The following DNAH3 variants were observed in gnomAD, a reference collection of about 807,000 sequenced individuals.
DNAH3 encodes dynein axonemal heavy chain 3.
In DNAH3, 332 loss-of-function variants were observed where a neutral mutation model predicts 432.5. That is an observed-to-expected ratio of 0.77 (90% CI 0.70 to 0.84). DNAH3 has a LOEUF of 0.84. Among genes scored for constraint, DNAH3 ranks in the 40% least tolerant of loss-of-function variants. The pLI, the probability that DNAH3 is intolerant of heterozygous loss-of-function variation, is 0.00. For synonymous variants in DNAH3, 1,956 were observed against 1,900.2 expected, an observed-to-expected ratio of 1.03 and a Z score of -0.76; for missense variants, 4,861 against 5,114.0, an observed-to-expected ratio of 0.95 and a Z score of 1.51.
In DNAH3 at chr16:21,039,100, AAAACTGGAC is replaced by A. The variant is rs569253520; in HGVS notation, c.4730+743_4730+751del. ...ATCCGTGTATAACTGTGTGTCTTAGAAAACTGGACAATACTTGAATGAGATATAACCTAG... is the reference window on the plus strand; with the variant it reads ...ATCCGTGTATAACTGTGTGTCTTAGAAATACTTGAATGAGATATAACCTAG... On this transcript the variant is annotated intron_variant, in intron 33 of 61. Transcript: ENST00000261383. Among the ~76,000 whole-genome samples the A allele has an allele frequency of 2.0e-4, 31 of 152,350 alleles. 2 individuals are homozygous for A. In the East Asian group the frequency reaches 6.0e-3, roughly 29 times the overall value.
intron 3 of DNAH3, among the ~76,000 whole-genome samples, chr16:21,143,109 G>A (rs904756494): frequency 6.6e-6 from 1 of 152,146 alleles, no homozygotes; most frequent in African/African-American, 2.4e-5. Flanking sequence ...AAAGACTCTG[G>A]CTTGCCTGAG....
At chr16:21,130,106 A>C (rs907967957) in intron 7 of DNAH3, 1 of 149,490 alleles carries the variant, frequency 6.7e-6, no homozygotes, top group African/African-American at 2.5e-5. Context: ...AAAAAAAAAA[A>C]AAACAAATGA....
intron 52 of DNAH3, among the ~76,000 whole-genome samples, chr16:20,968,689 T>C (rs1337029052): frequency 1.3e-5 from 2 of 151,864 alleles, no homozygotes; most frequent in Non-Finnish European, 2.9e-5. Context: ...TCTCTCTCTT[T>C]CTTCCTCTCC....
At chr16:21,145,577 C>A (rs886260873) in intron 2 of DNAH3, among the ~76,000 whole-genome samples, 171 bp from the exon 4 acceptor site, 9 of 152,196 alleles carry the variant, frequency 5.9e-5, no homozygotes, top group Non-Finnish European at 1.3e-4. Flanking sequence ...ACTTCTCTGA[C>A]CATTGTAAGC....
rs1045558716 is a variant in DNAH3 at position 20,981,449 on chromosome 16, T to C, written c.7859+1272A>G. 5.3e-5 allele frequency among the ~76,000 whole-genome samples: 8 copies of C among 152,164 alleles called. 1 individual carries two copies. Among genetic ancestry groups the C allele is most frequent in the Non-Finnish European group, 1.2e-4 (8 of 68,040 alleles). On this transcript the variant is annotated intron_variant, in intron 49 of 61. Coordinates refer to ENST00000261383, the Ensembl canonical transcript of DNAH3. ...ATCCATTAATTCAACAAACAGTGAT[T>C]GAGCCTGGGTGCGGTGGCTCACGCC...
intron 58 of DNAH3, among the ~76,000 whole-genome samples, chr16:20,943,518 C>G (rs1260484199): frequency 6.6e-6 from 1 of 152,164 alleles, no homozygotes; most frequent in African/African-American, 2.4e-5. Flanking sequence ...TTCACTGCAC[C>G]TGGCCTCTTT....
chr16:20,946,819 C>CTTTTTTTTTTT (rs71149199), intron 57 of DNAH3, among the ~76,000 whole-genome samples: 2 of 70,866 alleles, frequency 2.8e-5, no homozygotes, highest in Admixed American at 2.0e-4. Context: ...ATTGTGAGTC[C>CTTTTTTTTTTT]TTTTTTTTTT....
chr16:20,979,316 T>C lies in DNAH3; in HGVS notation c.8076+14A>G. ...CGGGCCTCTTTGTCTCTGTTCTGTT[T>C]TGGCAGTGCTCACCTGAGAAGCTGC... On this transcript the variant is annotated intron_variant, in intron 50 of 61. Transcript: ENST00000261383. 1 of 1,613,290 alleles carries C rather than the reference T, an allele frequency of 6.2e-7. No individual in the cohort carries two copies. The highest frequency in any genetic ancestry group is 8.5e-7 in the Non-Finnish European group (1 of 1,179,798).
intron 49 of DNAH3, 106 bp downstream of exon 49, chr16:20,982,615 T>C (rs1429930158): frequency 1.2e-6 from 1 of 828,496 alleles, no homozygotes; most frequent in Non-Finnish European, 1.8e-6. Flanking sequence ...ATAAGACATT[T>C]GCTATATACA....
intron 57 of DNAH3, among the ~76,000 whole-genome samples, chr16:20,948,165 C>T (rs1240702049): frequency 6.6e-6 from 1 of 152,154 alleles, no homozygotes; most frequent in Non-Finnish European, 1.5e-5. Context: ...TTGCCACCTT[C>T]TGAATCTTCG....
chr16:21,069,265 T>C (rs2090691090), intron 23 of DNAH3, 150 bp downstream of exon 23: 3 of 741,380 alleles, frequency 4.0e-6, no homozygotes, highest in Non-Finnish European at 6.6e-6. Context: ...TTTTTAATAA[T>C]AACAACTTCT....
intron 44 of DNAH3, among the ~76,000 whole-genome samples, chr16:20,993,761 G>A (rs936636355): frequency 3.9e-5 from 6 of 152,048 alleles, no homozygotes; most frequent in East Asian, 3.9e-4. Flanking sequence ...ATAGCTCACC[G>A]CAGCCTTGAC....
exon 53 of DNAH3, chr16:20,965,332 A>T: frequency 6.2e-7 from 1 of 1,606,004 alleles, no homozygotes; most frequent in Non-Finnish European, 8.5e-7. Context: ...CAGTGGGGGG[A>T]TGTTGTCTTT....
At chr16:21,013,719 C>CAAAAA (rs557641711) in intron 41 of DNAH3, among the ~76,000 whole-genome samples, 3 of 47,380 alleles carry the variant, frequency 6.3e-5, no homozygotes, top group South Asian at 7.5e-4. Flanking sequence ...AACTCCATCT[C>CAAAAA]AAAAAAAAAA....
chr16:21,145,326 A>T (rs759424477), exon 3 of DNAH3: 3 of 1,614,048 alleles, frequency 1.9e-6, no homozygotes, highest in African/African-American at 2.7e-5. Flanking sequence ...CACGGTGGTG[A>T]TGCTGTTCTT....
intron 56 of DNAH3, 118 bp from the exon 57 acceptor site, chr16:20,948,755 G>A: frequency 1.8e-6 from 2 of 1,130,808 alleles, no homozygotes; most frequent in African/African-American, 1.5e-5. Flanking sequence ...ATAGTGATAG[G>A]GACAGCAAGC....
At position 21,054,547 on chromosome 16, in the gene DNAH3, G is replaced by C. The variant is rs2090068357; in HGVS notation, c.3925-13C>G. 1 of 1,596,568 alleles carries C rather than the reference G, an allele frequency of 6.3e-7. No individual in the cohort carries two copies. Among genetic ancestry groups the C allele is most frequent in the African/African-American group, 1.3e-5 (1 of 74,634 alleles). On this transcript the variant is annotated splice_polypyrimidine_tract_variant and intron_variant, in intron 27 of 61. Coordinates refer to ENST00000261383, the Ensembl canonical transcript of DNAH3. ...TTTTCAGAAAATCCTGGAAGGGGCA[G>C]AGGAGGGGACAACTGGTTACATTTG... is the stretch of plus-strand genomic sequence containing the variant.
At chr16:21,049,598 C>A in exon 31 of DNAH3, 1 of 1,614,182 alleles carries the variant, frequency 6.2e-7, no homozygotes, top group Non-Finnish European at 8.5e-7. Context: ...TCAAAGCACG[C>A]CCATGCTCCA....
At chr16:21,022,896 T>A (rs1378949134) in intron 39 of DNAH3, among the ~76,000 whole-genome samples, 1 of 152,024 alleles carries the variant, frequency 6.6e-6, no homozygotes, top group South Asian at 2.1e-4. Context: ...TACAGGCACA[T>A]GCCATCATGC....
Sources: gnomAD v4.1 joint callset for allele counts (sites outside exome capture counted in the v4.1 genomes callset) on GRCh38, gnomAD v4.1.1 for gene constraint, MANE v1.5 for transcripts, NCBI Gene and HGNC (gene_info 2026-07-23, HGNC 2026-07-21) for gene names.